The following MAMLD1 variants were observed in gnomAD, a reference collection of about 807,000 sequenced individuals.
MAMLD1 encodes the protein mastermind-like domain-containing protein 1.
Under a neutral mutation model 45.0 loss-of-function variants are expected in MAMLD1, and 14 were observed. That is an observed-to-expected ratio of 0.31 (90% CI 0.21 to 0.49). The LOEUF is 0.49. Among genes scored for constraint, MAMLD1 ranks in the 20% least tolerant of loss-of-function variants. The pLI, the probability that MAMLD1 is intolerant of heterozygous loss-of-function variation, is 0.99. For synonymous variants in MAMLD1, 254 were observed against 247.8 expected (o/e 1.02, Z -0.24); for missense variants, 543 against 603.6 (o/e 0.90, Z 1.05).
intron 1 of MAMLD1, among the ~76,000 whole-genome samples, chrX:150,366,387 C>T (rs782177794): frequency 8.9e-6 from 1 of 112,169 alleles, no homozygotes; most frequent in African/African-American, 3.2e-5. Context: ...ATCCCAACTG[C>T]ATCTAAAACC....
At chrX:150,395,297 T>C (rs2033371572) in intron 1 of MAMLD1, among the ~76,000 whole-genome samples, 1 of 112,122 alleles carries the variant, frequency 8.9e-6, no homozygotes, top group South Asian at 3.7e-4. Context: ...GGTCATAGTA[T>C]ATAATTGTTT....
chrX:150,430,027 T>TTC (rs1416842944), intron 1 of MAMLD1, among the ~76,000 whole-genome samples: 2 of 80,960 alleles, frequency 2.5e-5, no homozygotes, highest in Non-Finnish European at 4.8e-5. Context: ...TTCTTTTTTT[T>TTC]TTTTTTTTTT....
At chrX:150,424,089 T>G (rs1557403710) in intron 1 of MAMLD1, among the ~76,000 whole-genome samples, 1 of 112,436 alleles carries the variant, frequency 8.9e-6, no homozygotes, top group Admixed American at 9.4e-5. Flanking sequence ...AAAACTCTGT[T>G]CTCTGCCATA....
chrX:150,429,823 T>C (rs1557403958), intron 1 of MAMLD1, among the ~76,000 whole-genome samples: 1 of 109,369 alleles, frequency 9.1e-6, no homozygotes, highest in African/African-American at 3.3e-5. Flanking sequence ...TTTGATGTTG[T>C]CATTGTTTTT....
intron 1 of MAMLD1, among the ~76,000 whole-genome samples, chrX:150,365,195 G>C (rs1385888410): frequency 1.8e-5 from 2 of 108,650 alleles, no homozygotes; most frequent in Admixed American, 9.7e-5. Context: ...AAGGGGAAAA[G>C]GGACGCAGAG....
chrX:150,452,973 C>G (rs1215235705), intron 2 of MAMLD1, among the ~76,000 whole-genome samples: 3 of 111,084 alleles, frequency 2.7e-5, no homozygotes, highest in African/African-American at 9.8e-5. Flanking sequence ...AGAAGTGAAA[C>G]AACTTTTGGG....
chrX:150,376,131 C>T (rs1953278568), intron 1 of MAMLD1, among the ~76,000 whole-genome samples: 1 of 111,807 alleles, frequency 8.9e-6, no homozygotes, highest in Non-Finnish European at 1.9e-5. Flanking sequence ...GTAGGGGCAT[C>T]CAAAGGGCTC....
intron 1 of MAMLD1, among the ~76,000 whole-genome samples, chrX:150,404,882 CT>C (rs2033959953): frequency 2.7e-5 from 3 of 112,078 alleles, no homozygotes; most frequent in African/African-American, 9.7e-5. Context: ...GAATAGTATT[CT>C]ATTATATGAA....
intron 1 of MAMLD1, among the ~76,000 whole-genome samples, chrX:150,383,164 A>G (rs1557401936): frequency 1.0e-5 from 1 of 98,438 alleles, no homozygotes. Flanking sequence ...TCGGCCTCCC[A>G]AAGTGCTGGG....
upstream of MAMLD1, among the ~76,000 whole-genome samples, chrX:150,362,431 C>CCTCCTCTCCT (rs781903483): frequency 9.2e-5 from 10 of 108,682 alleles, no homozygotes; most frequent in Admixed American, 8.7e-4. Context: ...CTCCTTATTT[C>CCTCCTCTCCT]CTCCTCTCCT....
Position 150,406,294 on chromosome X carries a change from T to A in MAMLD1, c.-63-39160T>A, listed in dbSNP as rs1325595234. On this transcript the variant is annotated intron_variant, in intron 1 of 7. Coordinates refer to ENST00000370401, the MANE Select transcript of MAMLD1 (RefSeq NM_005491.5). ...AGCCTCACCCCCATCACATAGCAGG[T>A]AATGGAAGAGCTGGGAAAAAAAAAA... 1.0e-4 allele frequency among the ~76,000 whole-genome samples: 11 copies of A among 108,012 alleles called. No individual in the cohort carries two copies. The Admixed American group carries it at 1.1e-3, about 11-fold the overall frequency. The allele number at this position is 108,012 out of a possible 115,157, so 93.8% of individuals were successfully genotyped here.
At chrX:150,425,831 A>G (rs1205338589) in intron 1 of MAMLD1, among the ~76,000 whole-genome samples, 3 of 112,342 alleles carry the variant, frequency 2.7e-5, no homozygotes, top group Non-Finnish European at 5.6e-5. Context: ...GGCTCTTCCT[A>G]TGTACCTTGT....
At chrX:150,392,525 T>C (rs2033229607) in intron 1 of MAMLD1, among the ~76,000 whole-genome samples, 1 of 110,684 alleles carries the variant, frequency 9.0e-6, no homozygotes. Flanking sequence ...AGTGGTAGCA[T>C]GCTTGGGCCC....
intron 1 of MAMLD1, among the ~76,000 whole-genome samples, chrX:150,443,749 CT>C (rs1259837395): frequency 9.1e-6 from 1 of 110,476 alleles, no homozygotes; most frequent in Non-Finnish European, 1.9e-5. Flanking sequence ...GCTGAGAATT[CT>C]GATTACTTTG....
intron 1 of MAMLD1, among the ~76,000 whole-genome samples, chrX:150,395,299 T>A (rs962755461): frequency 8.9e-6 from 1 of 112,028 alleles, no homozygotes; most frequent in Non-Finnish European, 1.9e-5. Context: ...TCATAGTATA[T>A]AATTGTTTTT....
intron 1 of MAMLD1, among the ~76,000 whole-genome samples, chrX:150,400,156 T>C (rs1209721088): frequency 1.8e-5 from 2 of 112,098 alleles, no homozygotes; most frequent in Admixed American, 9.5e-5. Context: ...TTGTGCAGAA[T>C]GGAAGTTCCC....
chrX:150,461,091 G>A (rs12834859), intron 2 of MAMLD1, among the ~76,000 whole-genome samples: 2,514 of 113,007 alleles, frequency 0.022, 83 homozygotes, highest in African/African-American at 0.076. Flanking sequence ...GCCCTCATCA[G>A]CCAAATCTGG....
rs1279375976 is a variant in MAMLD1, at chrX:150,513,351, G to C, written c.*1392G>C. Reference sequence around the variant, plus strand: ...TAAAGCGACGGCTTTTGTTTCAGTAGAGTTGTGTTTACTATGCATTGTTTT... The same window carrying C: ...TAAAGCGACGGCTTTTGTTTCAGTACAGTTGTGTTTACTATGCATTGTTTT... On this transcript the variant is annotated 3_prime_UTR_variant, in exon 8 of 8. Transcript: ENST00000370401. 15 of 369,821 alleles carry C rather than the reference G, an allele frequency of 4.1e-5. No individual in the cohort carries two copies. The East Asian group carries it at 5.8e-4, about 14-fold the overall frequency. The allele number at this position is 369,821 out of a possible 1,213,427, so 30.5% of individuals were successfully genotyped here. A position where few individuals can be genotyped will look rare whatever the true frequency, so the allele number is the denominator to read the frequency against.
At chrX:150,455,127 C>A (rs957443298) in intron 2 of MAMLD1, among the ~76,000 whole-genome samples, 3 of 111,912 alleles carry the variant, frequency 2.7e-5, no homozygotes, top group Non-Finnish European at 5.6e-5. Flanking sequence ...AATATAGAAC[C>A]TACTCTTGTT....
Sources: allele counts gnomAD v4.1 joint callset (sites outside exome capture counted in the v4.1 genomes callset), GRCh38; gene constraint gnomAD v4.1.1; transcripts MANE v1.5; gene names NCBI Gene and HGNC (gene_info 2026-07-23, HGNC 2026-07-21).